Variants in BPTF observed in about 807,000 individuals in gnomAD.
BPTF encodes bromodomain PHD finger transcription factor.
A neutral mutation model predicts 292.5 loss-of-function variants in BPTF; 18 were observed. The ratio of observed to expected loss-of-function variants is 0.06; its 90% CI spans 0.04 to 0.09. BPTF has a LOEUF of 0.09. BPTF is among the 10% of genes least tolerant of loss of function. The pLI, the probability that BPTF is intolerant of heterozygous loss-of-function variation, is 1.00. For synonymous variants in BPTF, 1,225 were observed against 1,251.9 expected, an observed-to-expected ratio of 0.98 and a Z score of 0.45; for missense variants, 2,726 against 3,498.7, an observed-to-expected ratio of 0.78 and a Z score of 5.57.
chr17:67,852,502 C>T (rs1378388630), intron 1 of BPTF, among the ~76,000 whole-genome samples: 2 of 152,020 alleles, frequency 1.3e-5, no homozygotes, highest in Non-Finnish European at 2.9e-5. Context: ...ACATTCTATT[C>T]ATTGTTCTGT....
intron 4 of BPTF, among the ~76,000 whole-genome samples, chr17:67,876,745 G>C (rs1243794565): frequency 1.3e-5 from 2 of 152,200 alleles, no homozygotes; most frequent in African/African-American, 4.8e-5. Context: ...GGTAGAGGTT[G>C]CAGTGAGCTG....
intron 1 of BPTF, among the ~76,000 whole-genome samples, chr17:67,832,357 A>G (rs1248301775): frequency 6.6e-6 from 1 of 151,942 alleles, no homozygotes. Context: ...TAATGTTTTA[A>G]TTGTTTTGTC....
At chr17:67,908,576 T>A (rs2062403288) in intron 9 of BPTF, among the ~76,000 whole-genome samples, 1 of 145,270 alleles carries the variant, frequency 6.9e-6, no homozygotes. Context: ...CACTGCAGCC[T>A]CCAACTCCCA....
At chr17:67,838,089 T>C (rs2057274318) in intron 1 of BPTF, among the ~76,000 whole-genome samples, 1 of 152,238 alleles carries the variant, frequency 6.6e-6, no homozygotes, top group Non-Finnish European at 1.5e-5. Context: ...AATTAGTAGA[T>C]ATTTCAGGTT....
chr17:67,844,559 C>CTT (rs781082621), intron 1 of BPTF, among the ~76,000 whole-genome samples: 19 of 128,446 alleles, frequency 1.5e-4, no homozygotes, highest in South Asian at 5.0e-4. Context: ...TTTTTTTTTT[C>CTT]TTTTTTTTTT....
intron 19 of BPTF, among the ~76,000 whole-genome samples, chr17:67,943,141 T>G (rs945186876): frequency 3.3e-5 from 5 of 152,026 alleles, no homozygotes; most frequent in Non-Finnish European, 7.4e-5. Flanking sequence ...TCCGGGTGAG[T>G]CATATGGGGA....
chr17:67,845,009 C>T (rs1273407969), intron 1 of BPTF, among the ~76,000 whole-genome samples: 1 of 152,184 alleles, frequency 6.6e-6, no homozygotes, highest in Non-Finnish European at 1.5e-5. Context: ...TCCCAAAGTG[C>T]TGGGATTACA....
At chr17:67,924,663 C>G in intron 15 of BPTF, 74 bp downstream of exon 15, 1 of 1,530,676 alleles carries the variant, frequency 6.5e-7, no homozygotes, top group Non-Finnish European at 8.9e-7. Flanking sequence ...CACTTGACCT[C>G]CCATCAGCAG....
At chr17:67,895,049 C>T (rs887638774) in intron 7 of BPTF, among the ~76,000 whole-genome samples, 3 of 152,032 alleles carry the variant, frequency 2.0e-5, no homozygotes, top group Non-Finnish European at 4.4e-5. Flanking sequence ...ATCTTCTCTG[C>T]CCCAATCTTT....
chr17:67,829,526 G>A (rs1375861506), intron 1 of BPTF, among the ~76,000 whole-genome samples: 1 of 145,296 alleles, frequency 6.9e-6, no homozygotes, highest in African/African-American at 2.6e-5. Context: ...ATGCCCACTT[G>A]CCTGGAATGA....
chr17:67,921,204 C>T (rs2063407063), intron 13 of BPTF, among the ~76,000 whole-genome samples: 2 of 111,522 alleles, frequency 1.8e-5, no homozygotes, highest in South Asian at 5.9e-4. Flanking sequence ...ATTGAGAATC[C>T]GTGTCAAAAA....
Position 67,912,117 on chromosome 17 carries a change from T to G in BPTF, c.4233T>G (p.Asp1411Glu). 6.2e-7 allele frequency: 1 copy of G among 1,609,434 alleles called. No individual in the cohort carries two copies. The highest frequency in any genetic ancestry group is 1.1e-5 in the South Asian group (1 of 89,694). The change falls in exon 11 of 28, where the codon GAT becomes GAG. Residue 1411 changes from aspartate (D) to glutamate (E), a missense_variant. Physicochemically the swap from Asp to Glu is conservative, Grantham distance 45. Around this residue, in one of 22 missense-constraint regions of BPTF, gnomAD observed 713 missense variants for 714.9 expected, o/e 1.00. Coordinates refer to ENST00000306378, the MANE Select transcript of BPTF (RefSeq NM_182641.4). Reference sequence around the variant, plus strand: ...GTACATTTCAAATAAATGGAAAAGATAATAAACCCAAAATATATTTGAAAG... The same window carrying G: ...GTACATTTCAAATAAATGGAAAAGAGAATAAACCCAAAATATATTTGAAAG... ...RTSTFQINGK[D>E]NKPKIYLKGE... is the part of the protein sequence containing the mutation.
chr17:67,966,262 A>C (rs782070357), intron 25 of BPTF: 3 of 262,478 alleles, frequency 1.1e-5, no homozygotes, highest in Non-Finnish European at 2.2e-5. Context: ...ACCTGTTGAC[A>C]GAAGCGATTG....
chr17:67,897,931 G>A (rs1055501955), intron 7 of BPTF, among the ~76,000 whole-genome samples: 17 of 152,006 alleles, frequency 1.1e-4, no homozygotes, highest in African/African-American at 4.1e-4. Context: ...ATAGCAAATA[G>A]GTGTATCTAT....
At chr17:67,975,575 T>C in intron 26 of BPTF, 197 bp from the exon 27 acceptor site, 1 of 497,442 alleles carries the variant, frequency 2.0e-6, no homozygotes, top group Non-Finnish European at 3.5e-6. Context: ...GATTTATATT[T>C]TAGAACCTCA....
At chr17:67,920,594 T>G (rs1382307678) in intron 13 of BPTF, among the ~76,000 whole-genome samples, 1 of 152,328 alleles carries the variant, frequency 6.6e-6, no homozygotes, top group Non-Finnish European at 1.5e-5. Flanking sequence ...AAAAAATGTT[T>G]ATAGAGCACC....
intron 4 of BPTF, among the ~76,000 whole-genome samples, chr17:67,881,866 T>TG (rs893102669): frequency 2.6e-5 from 3 of 116,132 alleles, no homozygotes; most frequent in African/African-American, 1.8e-4. Context: ...TTGTTTTTTT[T>TG]TTTTTTTTTT....
At chr17:67,948,425 T>G in intron 23 of BPTF, 119 bp downstream of exon 23, 1 of 949,236 alleles carries the variant, frequency 1.1e-6, no homozygotes. Flanking sequence ...CTTACATTTG[T>G]GTACATAGAG....
chr17:67,918,472 G>A (rs886374880), intron 11 of BPTF, among the ~76,000 whole-genome samples: 6 of 151,884 alleles, frequency 4.0e-5, no homozygotes, highest in African/African-American at 1.2e-4. Flanking sequence ...AACTTATATG[G>A]CATTTAAAAT....
Sources: gnomAD v4.1 joint callset for allele counts (sites outside exome capture counted in the v4.1 genomes callset) on GRCh38, gnomAD v4.1.1 for gene constraint, gnomAD v4.1.1 regional missense constraint, MANE v1.5 for transcripts, NCBI Gene and HGNC (gene_info 2026-07-23, HGNC 2026-07-21) for gene names.